Variants in ZFPM1 observed in about 807,000 individuals in gnomAD.
The protein encoded by ZFPM1 is zinc finger protein ZFPM1.
A neutral mutation model predicts 46.3 loss-of-function variants in ZFPM1; 28 were observed. The observed-to-expected ratio is 0.60, with a 90% CI of 0.45 to 0.83. ZFPM1 has a LOEUF of 0.83. Ranked by LOEUF, ZFPM1 falls within the 40% of genes least tolerant of loss-of-function variation. ZFPM1 has a pLI of 0.00. For missense variants in ZFPM1, 1,878 were observed against 1,432.4 expected, an observed-to-expected ratio of 1.31 and a Z score of -5.02; for synonymous variants, 957 against 675.9, an observed-to-expected ratio of 1.42 and a Z score of -6.45.
chr16:88,476,253 G>C (rs1434098881), intron 1 of ZFPM1, among the ~76,000 whole-genome samples: 1 of 152,126 alleles, frequency 6.6e-6, no homozygotes, highest in Admixed American at 6.5e-5. Context: ...TCCCTGCTGG[G>C]GGAGCCCAGG....
intron 1 of ZFPM1, 28 bp downstream of exon 1, chr16:88,453,706 T>C: frequency 8.5e-7 from 1 of 1,178,140 alleles, no homozygotes; most frequent in Non-Finnish European, 1.1e-6. Flanking sequence ...CGCGGTCCCC[T>C]CCGCGCGCCC....
chr16:88,532,596 A>T lies in ZFPM1; in HGVS notation c.947-18A>T, dbSNP rs1567556538. ...TTAAGCTGGCCCGGGCACCGCTCTT[A>T]CGCGCCCTGTGTTCCAGGAGAGCGG... is the stretch of plus-strand genomic sequence containing the variant. On this transcript the variant is annotated intron_variant, in intron 7 of 9. Transcript: ENST00000319555. 1 of 1,553,216 alleles carries T rather than the reference A, an allele frequency of 6.4e-7. No homozygotes were observed.
intron 3 of ZFPM1, chr16:88,489,417 C>T (rs748828480): frequency 1.8e-4 from 78 of 438,416 alleles, no homozygotes; most frequent in Non-Finnish European, 2.4e-4. Context: ...TGGTCTGGGC[C>T]GCGGAAGAGG....
Position 88,455,129 on chromosome 16 carries a change from T to TGG in ZFPM1, c.40+1454_40+1455dup, listed in dbSNP as rs1156628036. ...TTCCCTGAGCGCCTATGTTCGGTTC[T>TGG]GGGGTGTGTGTGTGTGTGTGTGTGT... On this transcript the variant is annotated intron_variant, in intron 1 of 9. Transcript: ENST00000319555. 3.2e-3 allele frequency among the ~76,000 whole-genome samples: 414 copies of TGG among 128,128 alleles called. 4 individuals are homozygous for TGG. Among genetic ancestry groups the TGG allele is most frequent in the African/African-American group, 0.01 (342 of 32,726 alleles). The allele number at this position is 128,128 out of a possible 152,430, so 84.1% of individuals were successfully genotyped here.
intron 3 of ZFPM1, among the ~76,000 whole-genome samples, chr16:88,502,065 CATTTATT>C (rs1241177233): frequency 2.7e-5 from 2 of 72,902 alleles, no homozygotes; most frequent in African/African-American, 1.0e-4. Context: ...CGCCCCCCCC[CATTTATT>C]TATTTATTTA....
At chr16:88,452,630 T>G (rs116269978), upstream of ZFPM1, among the ~76,000 whole-genome samples, 3,594 of 152,370 alleles carry the variant, frequency 0.024, 143 homozygotes, top group African/African-American at 0.08. Context: ...AAGAGAAACG[T>G]GGGCGTCAAG....
At chr16:88,461,437 C>T (rs1038028783) in intron 1 of ZFPM1, among the ~76,000 whole-genome samples, 3 of 152,168 alleles carry the variant, frequency 2.0e-5, no homozygotes, top group African/African-American at 4.8e-5. Context: ...GGGACCGCTT[C>T]GGACAACAGC....
intron 3 of ZFPM1, among the ~76,000 whole-genome samples, chr16:88,509,938 G>A (rs531334578): frequency 1.3e-5 from 2 of 152,250 alleles, no homozygotes; most frequent in East Asian, 1.9e-4. Context: ...TGAGGGAGGC[G>A]ACAGGGGCCT....
intron 1 of ZFPM1, among the ~76,000 whole-genome samples, chr16:88,476,993 G>A (rs1480936807): frequency 1.9e-4 from 29 of 152,276 alleles, no homozygotes; most frequent in South Asian, 4.1e-4. Flanking sequence ...AGATTTGGAC[G>A]TGCGCACGCC....
chr16:88,487,129 C>A (rs1281239240), intron 2 of ZFPM1, among the ~76,000 whole-genome samples: 1 of 152,194 alleles, frequency 6.6e-6, no homozygotes, highest in Non-Finnish European at 1.5e-5. Flanking sequence ...AGGAGGCCTG[C>A]TGGAGCCAGC....
chr16:88,526,809 C>G lies in ZFPM1; in HGVS notation c.403-5C>G, dbSNP rs370003792. The stretch of plus-strand genomic sequence containing the variant: ...TCCCCACGTGTTCCTACCCTCCCCC[C>G]CCAGAGCCCAGCCCTGACCCTGCTG... On this transcript the variant is annotated splice_polypyrimidine_tract_variant and splice_region_variant and intron_variant, in intron 4 of 9. Transcript: ENST00000319555. 489 of 1,545,950 alleles carry G rather than the reference C, an allele frequency of 3.2e-4. 10 individuals are homozygous for G. Among genetic ancestry groups the G allele is most frequent in the Middle Eastern group, 1.1e-3 (6 of 5,562 alleles).
At chr16:88,465,587 A>T (rs890162407) in intron 1 of ZFPM1, among the ~76,000 whole-genome samples, 3 of 152,196 alleles carry the variant, frequency 2.0e-5, no homozygotes, top group African/African-American at 7.2e-5. Flanking sequence ...GTGCCCGGTT[A>T]TACAGTAGGT....
chr16:88,508,846 G>C (rs1279469158), intron 3 of ZFPM1, among the ~76,000 whole-genome samples: 1 of 152,192 alleles, frequency 6.6e-6, no homozygotes, highest in African/African-American at 2.4e-5. Flanking sequence ...GGTGACCTTG[G>C]GCAGGTCACC....
chr16:88,457,824 G>A (rs1907624202), intron 1 of ZFPM1, among the ~76,000 whole-genome samples: 1 of 152,038 alleles, frequency 6.6e-6, no homozygotes, highest in African/African-American at 2.4e-5. Flanking sequence ...ATTAGAGATC[G>A]GGAGGTACTC....
chr16:88,532,224 G>A lies in ZFPM1; in HGVS notation c.935G>A (p.Arg312His), dbSNP rs1164950304. The change falls in exon 7 of 10, where the codon CGC (arginine) becomes CAC (histidine). Residue 312 changes from arginine (R) to histidine (H), a missense_variant. Physicochemically the swap from Arg to His is conservative, Grantham distance 29. Coordinates refer to ENST00000319555, the MANE Select transcript of ZFPM1 (RefSeq NM_153813.3). ...GCCAGCTCCCTGGAGATCCACATGCGCAGCCACAGCGGTGAGCCCCCACCC... is the reference window on the plus strand; with the variant it reads ...GCCAGCTCCCTGGAGATCCACATGCACAGCCACAGCGGTGAGCCCCCACCC... Reference protein sequence around the residue: ...PSASSLEIHMRSHSGERPFVC... With the variant: ...PSASSLEIHMHSHSGERPFVC... The A allele has an allele frequency of 1.9e-6, 3 of 1,602,628 alleles. No individual in the cohort carries two copies. Among genetic ancestry groups the A allele is most frequent in the Admixed American group, 1.7e-5 (1 of 59,340 alleles).
chr16:88,533,729 AACT>A lies in ZFPM1; in HGVS notation c.1777_1779del (p.Tyr593del), dbSNP rs1913006461. ...CGAGATCACCTTCAGCAACGTCAAC[AACT>A]ACTACGTGCACAAGCGCCTCTACTG... is the stretch of plus-strand genomic sequence containing the variant. On this transcript the variant is annotated inframe_deletion, in exon 10 of 10. Coordinates refer to ENST00000319555, the MANE Select transcript of ZFPM1 (RefSeq NM_153813.3). 6.6e-7 allele frequency: 1 copy of A among 1,511,848 alleles called. No homozygotes were observed. Among genetic ancestry groups the A allele is most frequent in the African/African-American group, 1.5e-5 (1 of 68,012 alleles). The allele number at this position is 1,511,848 out of a possible 1,614,324, so 93.7% of individuals were successfully genotyped here. A position where few individuals can be genotyped will look rare whatever the true frequency, so the allele number is the denominator to read the frequency against.
rs114120160 is a variant in ZFPM1 at position 88,470,123 on chromosome 16, G to C, written c.41-15816G>C. 5.0e-3 allele frequency among the ~76,000 whole-genome samples: 768 copies of C among 152,322 alleles called. 6 individuals are homozygous for C. Among genetic ancestry groups the C allele is most frequent in the African/African-American group, 0.017 (720 of 41,568 alleles). ...AACGGAGAAAAAGCCAGGGCCTCCAGAGCCAGCATTGTCCTGGGCAAAGGC... is the reference window on the plus strand; with the variant it reads ...AACGGAGAAAAAGCCAGGGCCTCCACAGCCAGCATTGTCCTGGGCAAAGGC... On this transcript the variant is annotated intron_variant, in intron 1 of 9. Coordinates refer to ENST00000319555, the MANE Select transcript of ZFPM1 (RefSeq NM_153813.3).
In ZFPM1 at chr16:88,534,296, G is replaced by A; in HGVS notation, c.2338G>A (p.Gly780Ser). The A allele has an allele frequency of 2.4e-6, 3 of 1,227,786 alleles. No homozygotes were observed. The highest frequency in any genetic ancestry group is 2.0e-6 in the Non-Finnish European group (2 of 987,362). 76.1% of individuals were successfully genotyped at this position (1,227,786 alleles called of 1,614,324 possible). The change falls in exon 10 of 10, where the codon GGC becomes AGC. Residue 780 changes from glycine to serine, a missense_variant. By Grantham distance (56) the Gly-to-Ser change is moderately conservative (BLOSUM62 0). Transcript: ENST00000319555. ...RPGSGSGSGP[G>S]LAPARSPGPA... The stretch of plus-strand genomic sequence containing the variant: ...CGGAAGCGGAAGCGGAAGCGGCCCC[G>A]GCCTCGCCCCTGCGCGCTCGCCCGG...
At chr16:88,466,811 A>C (rs1483127150) in intron 1 of ZFPM1, among the ~76,000 whole-genome samples, 1 of 152,090 alleles carries the variant, frequency 6.6e-6, no homozygotes, top group East Asian at 1.9e-4. Flanking sequence ...CCAGCGTTTA[A>C]ATCCTGCCCC....
Sources: gnomAD v4.1 joint callset for allele counts (sites outside exome capture counted in the v4.1 genomes callset) on GRCh38, gnomAD v4.1.1 for gene constraint, MANE v1.5 for transcripts, NCBI Gene and HGNC (gene_info 2026-07-23, HGNC 2026-07-21) for gene names.